CRADD: variants seen among roughly 807,000 people sequenced by gnomAD.
CRADD encodes death domain-containing protein CRADD.
Under a neutral mutation model 15.5 loss-of-function variants are expected in CRADD, and 9 were observed. The observed-to-expected ratio is 0.58, with a 90% CI of 0.35 to 1.01. The LOEUF is 1.01. CRADD is among the 50% of genes least tolerant of loss of function. CRADD has a pLI of 0.02. For synonymous variants in CRADD, 118 were observed against 107.6 expected, an observed-to-expected ratio of 1.10 and a Z score of -0.60; for missense variants, 227 against 250.3, an observed-to-expected ratio of 0.91 and a Z score of 0.63.
At chr12:93,795,583 C>A (rs1373298085) in intron 2 of CRADD, among the ~76,000 whole-genome samples, 1 of 152,200 alleles carries the variant, frequency 6.6e-6, no homozygotes, top group African/African-American at 2.4e-5. Flanking sequence ...GAGCAAAGAG[C>A]AACAGAGATC....
At chr12:93,816,743 G>A (rs941879635) in intron 2 of CRADD, among the ~76,000 whole-genome samples, 4 of 152,184 alleles carry the variant, frequency 2.6e-5, no homozygotes, top group African/African-American at 7.2e-5. Flanking sequence ...ACCTGTCTAG[G>A]CAGGAGACTT....
At chr12:93,741,179 C>T (rs1956660933) in intron 2 of CRADD, among the ~76,000 whole-genome samples, 1 of 152,056 alleles carries the variant, frequency 6.6e-6, no homozygotes, top group Admixed American at 6.6e-5. Flanking sequence ...GTGTACTTAC[C>T]CTTATTACAG....
chr12:93,736,444 C>T lies in CRADD; in HGVS notation c.298+57372C>T, dbSNP rs76611608. ...TGTTTTTCCCATCTCTACTTAAAAA[C>T]GTCAACTAGCCCCAACTTTTCCTCT... On this transcript the variant is annotated intron_variant, in intron 2 of 2. Coordinates refer to ENST00000332896, the MANE Select transcript of CRADD (RefSeq NM_003805.5). Among the ~76,000 whole-genome samples, 1,309 of 152,310 alleles carry T rather than the reference C, an allele frequency of 8.6e-3. 63 individuals are homozygous for T. The East Asian group carries it at 0.14, about 16-fold the overall frequency.
At chr12:93,805,029 T>C (rs560668533) in intron 2 of CRADD, among the ~76,000 whole-genome samples, 8 of 152,238 alleles carry the variant, frequency 5.3e-5, no homozygotes, top group Admixed American at 3.9e-4. Context: ...CAGAATCCAT[T>C]AGAGTTTCTA....
chr12:93,805,942 G>A (rs890789751), intron 2 of CRADD, among the ~76,000 whole-genome samples: 4 of 152,206 alleles, frequency 2.6e-5, no homozygotes, highest in African/African-American at 9.6e-5. Context: ...TCCCTGAAGG[G>A]GGCTGTAATT....
downstream of CRADD, among the ~76,000 whole-genome samples, chr12:93,853,523 AC>A (rs1397598923): frequency 6.6e-6 from 1 of 152,118 alleles, no homozygotes; most frequent in Non-Finnish European, 1.5e-5. Context: ...CACTCTCAAA[AC>A]CATTGTCCCA....
At chr12:93,792,728 A>T (rs1957363599) in intron 2 of CRADD, among the ~76,000 whole-genome samples, 1 of 152,206 alleles carries the variant, frequency 6.6e-6, no homozygotes, top group South Asian at 2.1e-4. Flanking sequence ...ATCCCCAATT[A>T]CAGACGAGGA....
At chr12:93,685,909 C>G (rs1292637901) in intron 2 of CRADD, among the ~76,000 whole-genome samples, 1 of 152,102 alleles carries the variant, frequency 6.6e-6, no homozygotes, top group Non-Finnish European at 1.5e-5. Context: ...AGGAGAATCG[C>G]TTGAACCTGG....
At chr12:93,857,572 C>T (rs2137056600) in intron 2 of CRADD, among the ~76,000 whole-genome samples, 1 of 152,272 alleles carries the variant, frequency 6.6e-6, no homozygotes, top group African/African-American at 2.4e-5. Context: ...TATCTTTGTC[C>T]ATTTAGTGTT....
At position 93,779,078 on chromosome 12, in the gene CRADD, T is replaced by C. The variant is rs2136969370; in HGVS notation, c.299-70892T>C. 2.6e-5 allele frequency among the ~76,000 whole-genome samples: 4 copies of C among 152,330 alleles called. No individual in the cohort carries two copies. In the Middle Eastern group the frequency reaches 0.01, roughly 389 times the overall value. On this transcript the variant is annotated intron_variant, in intron 2 of 2. Coordinates refer to ENST00000332896, the MANE Select transcript of CRADD (RefSeq NM_003805.5). ...AGAGTTTTATTTTGCTGGATTCTGA[T>C]ACTACACATACTTAGGTTCAGCTAA...
chr12:93,763,514 G>A (rs1384869936), intron 2 of CRADD, among the ~76,000 whole-genome samples: 3 of 151,868 alleles, frequency 2.0e-5, no homozygotes, highest in Admixed American at 2.0e-4. Context: ...CTGAAATAAT[G>A]AGAGTCTAAT....
intron 2 of CRADD, among the ~76,000 whole-genome samples, chr12:93,720,614 A>T (rs1956243974): frequency 6.6e-6 from 1 of 152,178 alleles, no homozygotes; most frequent in Non-Finnish European, 1.5e-5. Flanking sequence ...CATACACACT[A>T]ATGATTGTTA....
At chr12:93,882,683 C>T (rs1593060408) in intron 2 of CRADD, among the ~76,000 whole-genome samples, 1 of 152,124 alleles carries the variant, frequency 6.6e-6, no homozygotes, top group African/African-American at 2.4e-5. Flanking sequence ...TCTGATTTAA[C>T]GTTTTTGAAC....
chr12:93,841,740 A>C (rs1958049748), intron 2 of CRADD, among the ~76,000 whole-genome samples: 2 of 152,192 alleles, frequency 1.3e-5, no homozygotes, highest in Non-Finnish European at 2.9e-5. Flanking sequence ...TGGACTTGAC[A>C]TGGGCAGAGG....
chr12:93,890,608 A>G (rs1159934598), intron 2 of CRADD, among the ~76,000 whole-genome samples: 1 of 152,186 alleles, frequency 6.6e-6, no homozygotes, highest in Admixed American at 6.5e-5. Context: ...GGTTTCAGTC[A>G]TGGGTGGAGA....
chr12:93,737,422 T>C (rs556094311), intron 2 of CRADD, among the ~76,000 whole-genome samples: 8 of 152,336 alleles, frequency 5.3e-5, no homozygotes, highest in Non-Finnish European at 1.0e-4. Flanking sequence ...TATGTAAACA[T>C]TGAGATTACA....
chr12:93,792,052 C>G (rs893606442), intron 2 of CRADD, among the ~76,000 whole-genome samples: 4 of 152,034 alleles, frequency 2.6e-5, no homozygotes, highest in Non-Finnish European at 4.4e-5. Flanking sequence ...AGGAATACTT[C>G]TGAGAATCTT....
At chr12:93,744,860 T>C (rs1373868648) in intron 2 of CRADD, among the ~76,000 whole-genome samples, 2 of 152,226 alleles carry the variant, frequency 1.3e-5, no homozygotes, top group African/African-American at 4.8e-5. Context: ...TTGATTTTCT[T>C]GTTTTGTTTT....
intron 2 of CRADD, among the ~76,000 whole-genome samples, chr12:93,777,428 C>G (rs1015369281): frequency 7.9e-5 from 12 of 152,102 alleles, no homozygotes; most frequent in African/African-American, 2.9e-4. Context: ...CTTTGCTGAC[C>G]TAGAAATGCC....
Sources: allele counts gnomAD v4.1 joint callset (sites outside exome capture counted in the v4.1 genomes callset), GRCh38; gene constraint gnomAD v4.1.1; transcripts MANE v1.5; gene names NCBI Gene and HGNC (gene_info 2026-07-23, HGNC 2026-07-21).